Variants in ZMYM2 observed in about 807,000 individuals in gnomAD.
ZMYM2 encodes zinc finger MYM-type containing 2.
ZMYM2 carries 56 observed loss-of-function variants against 162.8 expected under a neutral mutation model. That is an observed-to-expected ratio of 0.34 (90% CI 0.28 to 0.43). The LOEUF is 0.43. Ranked by LOEUF, ZMYM2 falls within the 20% of genes least tolerant of loss-of-function variation. The probability of loss-of-function intolerance (pLI) is 1.00; values close to 1 mark genes in which losing one functional copy is unlikely to be tolerated. For missense variants in ZMYM2, 1,275 were observed against 1,621.8 expected (o/e 0.79, Z 3.67); for synonymous variants, 510 against 541.6 (o/e 0.94, Z 0.81).
At position 20,005,228 on chromosome 13, in the gene ZMYM2, AAACT is replaced by A; in HGVS notation, c.1293_1296del (p.Thr432ArgfsTer11). The A allele has an allele frequency of 6.4e-7, 1 of 1,554,650 alleles. No individual in the cohort carries two copies. The highest frequency in any genetic ancestry group is 8.6e-7 in the Non-Finnish European group (1 of 1,158,564). On this transcript the variant is annotated frameshift_variant, in exon 5 of 25. Transcript: ENST00000610343. LOFTEE classifies it high-confidence loss of function. ...TAAATCAAGATGTACAATCTGTGGTAAACTAACTGAGGTTTGTATTTTTTTTCTT... is the reference window on the plus strand; with the variant it reads ...TAAATCAAGATGTACAATCTGTGGTAAACTGAGGTTTGTATTTTTTTTCTT...
rs200037500 is a variant in ZMYM2, at chr13:20,046,685, A to G, written c.2293-4748A>G. ...TGTATATATATGTGTGTATATATGT[A>G]TATATGTGTGTGTGTGTATATATAT... On this transcript the variant is annotated intron_variant, in intron 12 of 24. Transcript: ENST00000610343. Among the ~76,000 whole-genome samples the G allele has an allele frequency of 4.0e-5, 6 of 150,240 alleles. No homozygotes were observed. In the East Asian group the frequency reaches 1.2e-3, roughly 29 times the overall value.
Position 20,062,959 on chromosome 13 carries a change from G to C in ZMYM2, c.3025G>C (p.Asp1009His). The C allele has an allele frequency of 6.2e-7, 1 of 1,600,884 alleles. No individual in the cohort carries two copies. The highest frequency in any genetic ancestry group is 8.5e-7 in the Non-Finnish European group (1 of 1,173,210). The change falls in exon 18 of 25, where the codon GAT (aspartate) becomes CAT (histidine). Residue 1009 changes from aspartate (D) to histidine (H), a missense_variant. Physicochemically the swap from Asp to His is moderately conservative, Grantham distance 81. Coordinates refer to ENST00000610343, the MANE Select transcript of ZMYM2 (RefSeq NM_197968.4). Reference protein sequence around the residue: ...PYEPDLDIEIDFPRAAEELDM... With the variant: ...PYEPDLDIEIHFPRAAEELDM... Reference sequence around the variant, plus strand: ...TGAACCAGATTTGGATATCGAAATAGATTTTCCCAGAGGTACTCAAAACCT... The same window carrying C: ...TGAACCAGATTTGGATATCGAAATACATTTTCCCAGAGGTACTCAAAACCT...
chr13:19,887,668 C>T, the ZMYM2 span, among the ~76,000 whole-genome samples: 1 of 151,768 alleles, frequency 6.6e-6, no homozygotes, highest in African/African-American at 2.4e-5. Flanking sequence ...GATAAATACA[C>T]ACATTTTTCT....
At chr13:19,921,393 G>A in the ZMYM2 span, among the ~76,000 whole-genome samples, 1 of 152,028 alleles carries the variant, frequency 6.6e-6, no homozygotes, top group African/African-American at 2.4e-5. Context: ...GCCTGCTTGG[G>A]CCTCCTAAAA....
intron 7 of ZMYM2, among the ~76,000 whole-genome samples, chr13:20,022,359 C>T (rs904365508): frequency 6.6e-6 from 1 of 152,120 alleles, no homozygotes; most frequent in Non-Finnish European, 1.5e-5. Context: ...GCATGAATAC[C>T]TCATAAGCGG....
intron 1 of ZMYM2, among the ~76,000 whole-genome samples, chr13:19,959,160 G>A (rs1465707166): frequency 1.3e-5 from 2 of 148,562 alleles, no homozygotes; most frequent in East Asian, 2.0e-4. Context: ...AGCGGCGGGG[G>A]TCGCGGGGCC....
chr13:20,045,024 C>T (rs1299823122), intron 12 of ZMYM2, among the ~76,000 whole-genome samples: 2 of 129,666 alleles, frequency 1.5e-5, no homozygotes, highest in Non-Finnish European at 3.1e-5. Context: ...CACTCCAGCC[C>T]GGGCGACAGA....
At chr13:19,996,546 G>GT (rs1950031923) in intron 3 of ZMYM2, among the ~76,000 whole-genome samples, 1 of 152,134 alleles carries the variant, frequency 6.6e-6, no homozygotes, top group Admixed American at 6.5e-5. Flanking sequence ...GGCCAACATG[G>GT]TGAAACCCCA....
At chr13:19,917,386 C>G in the ZMYM2 span, among the ~76,000 whole-genome samples, 1 of 151,810 alleles carries the variant, frequency 6.6e-6, no homozygotes, top group Non-Finnish European at 1.5e-5. Context: ...GTCAGGAGTT[C>G]GAGACCAGCC....
At chr13:20,008,123 T>G (rs1950891883) in intron 6 of ZMYM2, among the ~76,000 whole-genome samples, 1 of 152,090 alleles carries the variant, frequency 6.6e-6, no homozygotes, top group Non-Finnish European at 1.5e-5. Flanking sequence ...CTAACTATAA[T>G]TGTTGTTGTT....
chr13:20,009,197 A>G lies in ZMYM2; in HGVS notation c.1512+2611A>G, dbSNP rs1002757131. Among the ~76,000 whole-genome samples, 8 of 152,174 alleles carry G rather than the reference A, an allele frequency of 5.3e-5. No individual in the cohort carries two copies. The East Asian group carries it at 7.7e-4, about 15-fold the overall frequency. ...TTCCTGTGAAAATATAATTTCCCCA[A>G]CTGGACTTCAGCGCAGACAAAATTA... On this transcript the variant is annotated intron_variant, in intron 6 of 24. Coordinates refer to ENST00000610343, the MANE Select transcript of ZMYM2 (RefSeq NM_197968.4).
intron 22 of ZMYM2, 22 bp downstream of exon 22, chr13:20,082,152 G>A (rs549956062): frequency 6.0e-6 from 9 of 1,510,054 alleles, no homozygotes; most frequent in Middle Eastern, 1.7e-4. Context: ...TTCACTAAAG[G>A]TGTTGCTCTC....
At chr13:19,955,450 G>A (rs151197746), upstream of ZMYM2, among the ~76,000 whole-genome samples, 480 of 152,282 alleles carry the variant, frequency 3.2e-3, 5 homozygotes, top group African/African-American at 0.011. Context: ...AAAGCATCTA[G>A]CTAGTTGCTA....
the ZMYM2 span, among the ~76,000 whole-genome samples, chr13:19,868,408 T>C: frequency 1.3e-5 from 2 of 152,236 alleles, no homozygotes; most frequent in African/African-American, 2.4e-5. Flanking sequence ...ATCTGAGTCA[T>C]CTTTCATATT....
At chr13:20,006,247 AATTT>A (rs139459929) in intron 5 of ZMYM2, 123 bp from the exon 6 acceptor site, 402,482 of 819,384 alleles carry the variant, frequency 0.49, 63,960 homozygotes, top group East Asian at 0.52. Flanking sequence ...AAAAAAAAAA[AATTT>A]TTTTTTTCCT....
chr13:19,927,418 A>G, the ZMYM2 span, among the ~76,000 whole-genome samples: 5 of 152,218 alleles, frequency 3.3e-5, no homozygotes, highest in Non-Finnish European at 7.3e-5. Context: ...GAATTCTAAA[A>G]AAGTTATGAT....
At chr13:19,968,026 C>G (rs1054182306) in intron 2 of ZMYM2, among the ~76,000 whole-genome samples, 4 of 152,146 alleles carry the variant, frequency 2.6e-5, no homozygotes, top group Admixed American at 6.5e-5. Flanking sequence ...GCATCTTTTT[C>G]TAACGATTTC....
the ZMYM2 span, among the ~76,000 whole-genome samples, chr13:19,930,548 T>G: frequency 6.6e-6 from 1 of 151,710 alleles, no homozygotes; most frequent in Non-Finnish European, 1.5e-5. Context: ...TATCTATTTA[T>G]TTGTTTTGAG....
chr13:19,910,576 A>G, the ZMYM2 span, among the ~76,000 whole-genome samples: 8 of 144,766 alleles, frequency 5.5e-5, no homozygotes, highest in Admixed American at 2.1e-4. Flanking sequence ...ACCCAGGCTG[A>G]GTGCAGTGGT....
Sources: gnomAD v4.1 joint callset for allele counts (sites outside exome capture counted in the v4.1 genomes callset) on GRCh38, gnomAD v4.1.1 for gene constraint, MANE v1.5 for transcripts, NCBI Gene and HGNC (gene_info 2026-07-23, HGNC 2026-07-21) for gene names.